The following NOVA1 variants were observed in gnomAD, a reference collection of about 807,000 sequenced individuals.
The protein encoded by NOVA1 is NOVA alternative splicing regulator 1, also known as RNA-binding protein Nova-1.
Under a neutral mutation model 38.0 loss-of-function variants are expected in NOVA1, and 7 were observed. The ratio of observed to expected loss-of-function variants is 0.18; its 90% confidence interval spans 0.10 to 0.35. NOVA1 has a LOEUF of 0.35. NOVA1 is among the 10% of genes least tolerant of loss of function. The pLI is 1.00. For missense variants in NOVA1, 460 were observed against 616.0 expected (o/e 0.75, Z 2.68); for synonymous variants, 270 against 232.5 (o/e 1.16, Z -1.47).
intron 4 of NOVA1, among the ~76,000 whole-genome samples, chr14:26,455,256 CTG>C (rs1883067101): frequency 6.6e-6 from 1 of 152,132 alleles, no homozygotes; most frequent in Non-Finnish European, 1.5e-5. Flanking sequence ...TAGGAGCTAT[CTG>C]TGACTTCTCC....
intron 4 of NOVA1, among the ~76,000 whole-genome samples, chr14:26,471,452 T>TA (rs139950024): frequency 0.022 from 3,274 of 151,598 alleles, 111 homozygotes; most frequent in African/African-American, 0.074. Flanking sequence ...CTTTTATTAT[T>TA]AAAAAAAGCA....
At chr14:26,553,529 T>G (rs1566531654) in intron 2 of NOVA1, among the ~76,000 whole-genome samples, 1 of 151,888 alleles carries the variant, frequency 6.6e-6, no homozygotes, top group African/African-American at 2.4e-5. Flanking sequence ...TATTATCCCA[T>G]GCCCACTTCC....
intron 2 of NOVA1, among the ~76,000 whole-genome samples, chr14:26,484,863 A>T (rs1373577481): frequency 6.6e-6 from 1 of 152,120 alleles, no homozygotes; most frequent in Non-Finnish European, 1.5e-5. Flanking sequence ...TACTCAGTTC[A>T]TTAACTCATT....
intron 2 of NOVA1, among the ~76,000 whole-genome samples, chr14:26,585,512 T>A (rs1361455085): frequency 6.6e-6 from 1 of 151,298 alleles, no homozygotes; most frequent in Non-Finnish European, 1.5e-5. Context: ...TAAGCATACT[T>A]CTAATATATC....
intron 2 of NOVA1, among the ~76,000 whole-genome samples, chr14:26,580,726 A>C (rs1893161343): frequency 6.6e-6 from 1 of 151,890 alleles, no homozygotes; most frequent in South Asian, 2.1e-4. Context: ...ATATATAAGA[A>C]ATTATTTATA....
At chr14:26,484,298 T>C (rs1391636739) in intron 2 of NOVA1, among the ~76,000 whole-genome samples, 1 of 151,376 alleles carries the variant, frequency 6.6e-6, no homozygotes, top group Non-Finnish European at 1.5e-5. Context: ...TAGCCGGGCA[T>C]GGTGGCGGGC....
intron 2 of NOVA1, among the ~76,000 whole-genome samples, chr14:26,508,802 C>T (rs565439211): frequency 5.4e-4 from 81 of 151,394 alleles, no homozygotes; most frequent in African/African-American, 1.9e-3. Context: ...AATGGAGTAA[C>T]ATATGATTTT....
At chr14:26,537,857 G>T (rs1023867242) in intron 2 of NOVA1, among the ~76,000 whole-genome samples, 3 of 152,150 alleles carry the variant, frequency 2.0e-5, no homozygotes, top group Non-Finnish European at 2.9e-5. Flanking sequence ...TGTAAGAAGG[G>T]ATATTATATT....
At chr14:26,471,652 T>C (rs1488278666) in intron 4 of NOVA1, among the ~76,000 whole-genome samples, 1 of 151,940 alleles carries the variant, frequency 6.6e-6, no homozygotes, top group Non-Finnish European at 1.5e-5. Flanking sequence ...TTTTGAAGAA[T>C]GACCTACAAA....
chr14:26,569,769 AT>A (rs1159451845), intron 2 of NOVA1, among the ~76,000 whole-genome samples: 1 of 152,214 alleles, frequency 6.6e-6, no homozygotes, highest in Non-Finnish European at 1.5e-5. Flanking sequence ...TCTAAAACAA[AT>A]TTCTAGTTGA....
At chr14:26,513,593 TG>T (rs1888252181) in intron 2 of NOVA1, among the ~76,000 whole-genome samples, 1 of 151,658 alleles carries the variant, frequency 6.6e-6, no homozygotes, top group Non-Finnish European at 1.5e-5. Context: ...ATAAAATAAA[TG>T]CTACTTATAA....
chr14:26,531,588 C>T (rs540551043), intron 2 of NOVA1, among the ~76,000 whole-genome samples: 21 of 149,290 alleles, frequency 1.4e-4, no homozygotes, highest in South Asian at 6.6e-4. Context: ...GCCTAAGCAA[C>T]AACAGCGAAA....
chr14:26,498,312 C>T (rs1245204), intron 2 of NOVA1, among the ~76,000 whole-genome samples: 91,596 of 151,584 alleles, frequency 0.6, 31,546 homozygotes, highest in Non-Finnish European at 0.75. Flanking sequence ...GTGATCCGCC[C>T]GCCTCGGCCT....
intron 4 of NOVA1, among the ~76,000 whole-genome samples, chr14:26,464,864 GT>G (rs950726363): frequency 6.6e-6 from 1 of 151,988 alleles, no homozygotes; most frequent in African/African-American, 2.4e-5. Flanking sequence ...TATAAAAATT[GT>G]ATATTACTTA....
At chr14:26,477,761 T>C (rs1244884280) in intron 3 of NOVA1, among the ~76,000 whole-genome samples, 2 of 152,158 alleles carry the variant, frequency 1.3e-5, no homozygotes, top group Middle Eastern at 3.4e-3. Context: ...GAGTACTACG[T>C]TGGTAAAATT....
At chr14:26,513,646 A>C (rs563567303) in intron 2 of NOVA1, among the ~76,000 whole-genome samples, 2 of 151,704 alleles carry the variant, frequency 1.3e-5, no homozygotes, top group Non-Finnish European at 1.5e-5. Flanking sequence ...ATATTTTAAA[A>C]ATGTTTTAAA....
chr14:26,524,286 T>C (rs1012403398), intron 2 of NOVA1, among the ~76,000 whole-genome samples: 1 of 152,082 alleles, frequency 6.6e-6, no homozygotes, highest in Admixed American at 6.6e-5. Flanking sequence ...TCAAATATCT[T>C]TGGAGAGTAA....
rs928946971 is a variant in NOVA1, at chr14:26,446,303, T to C, written c.*1656A>G. On this transcript the variant is annotated 3_prime_UTR_variant, in exon 5 of 5. Transcript: ENST00000539517. ...ATCAATATGAAATGAAGAGTCCATA[T>C]AGTTCAATGAACAAAAGGGAAAGTT... 2.0e-5 allele frequency: 3 copies of C among 152,598 alleles called. No homozygotes were observed. The highest frequency in any genetic ancestry group is 1.3e-4 in the Admixed American group (2 of 15,278). 9.5% of individuals were successfully genotyped at this position (152,598 alleles called of 1,614,324 possible).
Position 26,528,173 on chromosome 14 carries a change from G to T in NOVA1, c.281-48030C>A, listed in dbSNP as rs1285825158. Reference sequence around the variant, plus strand: ...CCACTTCCTCACATACTGTATCCCTGGAAAATCAGGGTGCTGGAATTTTCA... The same window carrying T: ...CCACTTCCTCACATACTGTATCCCTTGAAAATCAGGGTGCTGGAATTTTCA... On this transcript the variant is annotated intron_variant, in intron 2 of 4. Coordinates refer to ENST00000539517, the MANE Select transcript of NOVA1 (RefSeq NM_002515.3). Among the ~76,000 whole-genome samples, 3 of 152,092 alleles carry T rather than the reference G, an allele frequency of 2.0e-5. No homozygotes were observed. The East Asian group carries it at 5.8e-4, about 29-fold the overall frequency.
Sources: gnomAD v4.1 joint callset for allele counts (sites outside exome capture counted in the v4.1 genomes callset) on GRCh38, gnomAD v4.1.1 for gene constraint, MANE v1.5 for transcripts, NCBI Gene and HGNC (gene_info 2026-07-23, HGNC 2026-07-21) for gene names.